Variants in LTBP1 observed in about 807,000 individuals in gnomAD.
LTBP1 encodes latent transforming growth factor beta binding protein 1, also known as latent-transforming growth factor beta-binding protein 1.
Under a neutral mutation model 207.6 loss-of-function variants are expected in LTBP1, and 129 were observed. That is an observed-to-expected ratio of 0.62 (90% CI 0.54 to 0.72). LTBP1 has a LOEUF of 0.72. Among genes scored for constraint, LTBP1 ranks in the 30% least tolerant of loss-of-function variants. The pLI is 0.00. For synonymous variants in LTBP1, 963 were observed against 833.7 expected, an observed-to-expected ratio of 1.16 and a Z score of -2.67; for missense variants, 2,281 against 2,217.2, an observed-to-expected ratio of 1.03 and a Z score of -0.58.
chr2:33,207,492 G>A (rs2089971673), intron 7 of LTBP1, among the ~76,000 whole-genome samples: 1 of 151,722 alleles, frequency 6.6e-6, no homozygotes, highest in Non-Finnish European at 1.5e-5. Context: ...ATAAAAGAAA[G>A]CTGAGTGGAC....
intron 13 of LTBP1, 31 bp downstream of exon 13, chr2:33,259,641 T>C: frequency 6.3e-7 from 1 of 1,590,298 alleles, no homozygotes; most frequent in Non-Finnish European, 8.5e-7. Flanking sequence ...AAGTCTTTTT[T>C]TTTCAACGCT....
At position 32,947,373 on chromosome 2, in the gene LTBP1, C is replaced by T. The variant is rs1676330559; in HGVS notation, c.49C>T (p.Leu17Phe). The change falls in exon 1 of 34, where the codon CTC becomes TTC. Residue 17 changes from leucine to phenylalanine, a missense_variant. This residue lies in a region of LTBP1 where 555 missense variants were observed against 491.0 expected (regional missense o/e 1.13). Coordinates refer to ENST00000404816, the MANE Select transcript of LTBP1 (RefSeq NM_206943.4). ...GGGGCTCCTGCTCTGGGCAGGGCTC[C>T]TCGCGTCCTCGGCGCACGGCCGGCT... ...RWGLLLWAGL[L>F]ASSAHGRLRR... The T allele has an allele frequency of 2.2e-6, 3 of 1,362,974 alleles. No homozygotes were observed. The highest frequency in any genetic ancestry group is 3.0e-5 in the African/African-American group (2 of 65,892). The allele number at this position is 1,362,974 out of a possible 1,614,324, so 84.4% of individuals were successfully genotyped here. A position where few individuals can be genotyped will look rare whatever the true frequency, so the allele number is the denominator to read the frequency against.
intron 3 of LTBP1, among the ~76,000 whole-genome samples, chr2:33,022,265 C>CTTTTTTTTTTTTTTTTTTTTGT (rs3047211): frequency 8.0e-6 from 1 of 125,236 alleles, no homozygotes; most frequent in East Asian, 2.4e-4. Flanking sequence ...CCTCAATCCT[C>CTTTTTTTTTTTTTTTTTTTTGT]TTTTTTTTTT....
intron 13 of LTBP1, among the ~76,000 whole-genome samples, chr2:33,260,574 A>G (rs1009882227): frequency 6.6e-6 from 1 of 152,208 alleles, no homozygotes; most frequent in African/African-American, 2.4e-5. Flanking sequence ...ATATGTCATA[A>G]CATAAGTGCT....
chr2:33,180,550 C>G (rs2086517399), intron 5 of LTBP1, among the ~76,000 whole-genome samples: 2 of 151,214 alleles, frequency 1.3e-5, no homozygotes, highest in Non-Finnish European at 2.9e-5. Context: ...CTCCCGCGTT[C>G]AAGTGATTCT....
intron 5 of LTBP1, among the ~76,000 whole-genome samples, chr2:33,149,454 A>G (rs538708386): frequency 3.9e-4 from 59 of 152,220 alleles, no homozygotes; most frequent in African/African-American, 1.4e-3. Context: ...CTGTAGATGA[A>G]ATCTCTAGCC....
At chr2:33,083,926 G>A (rs1486805574) in intron 3 of LTBP1, among the ~76,000 whole-genome samples, 1 of 152,186 alleles carries the variant, frequency 6.6e-6, no homozygotes, top group Non-Finnish European at 1.5e-5. Context: ...GACCTGGAAG[G>A]ACATTGGATA....
At chr2:33,175,775 C>G (rs1295375900) in intron 5 of LTBP1, among the ~76,000 whole-genome samples, 1 of 151,948 alleles carries the variant, frequency 6.6e-6, no homozygotes, top group Non-Finnish European at 1.5e-5. Flanking sequence ...CAGTGATAGA[C>G]TGGATTAAGA....
chr2:33,163,096 G>A (rs552895590), intron 5 of LTBP1, among the ~76,000 whole-genome samples: 18 of 152,074 alleles, frequency 1.2e-4, no homozygotes, highest in South Asian at 4.1e-4. Flanking sequence ...ATCCTCCCAC[G>A]TCAGCCTCCC....
intron 19 of LTBP1, among the ~76,000 whole-genome samples, chr2:33,280,426 T>C (rs2093536865): frequency 6.6e-6 from 1 of 152,006 alleles, no homozygotes; most frequent in Admixed American, 6.6e-5. Context: ...CCAAATAAGA[T>C]AGTAAGGTCT....
intron 9 of LTBP1, 35 bp from the exon 10 acceptor site, chr2:33,243,627 G>T: frequency 1.9e-6 from 3 of 1,611,006 alleles, no homozygotes; most frequent in South Asian, 1.1e-5. Flanking sequence ...AATGGGGCTT[G>T]ACTGCTCCTT....
At chr2:33,226,152 G>T (rs2091425420) in intron 9 of LTBP1, among the ~76,000 whole-genome samples, 1 of 152,120 alleles carries the variant, frequency 6.6e-6, no homozygotes, top group Non-Finnish European at 1.5e-5. Flanking sequence ...ATCAGTTGTT[G>T]AGAGAGGTGT....
At position 33,017,609 on chromosome 2, in the gene LTBP1, T is replaced by TTTTGC. The variant is rs202132731; in HGVS notation, c.566-3296_566-3295insCTTTG. ...AAATGTGATAGAAGGACATGAGTTG[T>TTTTGC]TTTGTTTTGTTTTGTTTTGTTTTTT... is the stretch of plus-strand genomic sequence containing the variant. On this transcript the variant is annotated intron_variant, in intron 2 of 33. Coordinates refer to ENST00000404816, the MANE Select transcript of LTBP1 (RefSeq NM_206943.4). Among the ~76,000 whole-genome samples the TTTTGC allele has an allele frequency of 8.1e-3, 1,226 of 151,862 alleles. 11 individuals are homozygous for TTTTGC. Among genetic ancestry groups the TTTTGC allele is most frequent in the African/African-American group, 0.026 (1,092 of 41,480 alleles).
chr2:32,992,688 T>C (rs1271830393), intron 2 of LTBP1, among the ~76,000 whole-genome samples: 1 of 152,016 alleles, frequency 6.6e-6, no homozygotes, highest in East Asian at 1.9e-4. Context: ...TTCCAGGACA[T>C]GTAAGGGAAG....
chr2:33,009,927 G>T (rs1291279724), intron 2 of LTBP1, among the ~76,000 whole-genome samples: 3 of 152,184 alleles, frequency 2.0e-5, no homozygotes, highest in African/African-American at 4.8e-5. Context: ...AGAGGACAAG[G>T]CCAGACATCT....
intron 2 of LTBP1, among the ~76,000 whole-genome samples, chr2:32,981,863 C>T (rs1033390645): frequency 3.9e-5 from 6 of 152,184 alleles, no homozygotes. Context: ...CCTTTGCCTC[C>T]CCAGTCATGT....
chr2:33,356,253 G>A (rs187985496), intron 26 of LTBP1, among the ~76,000 whole-genome samples: 1 of 152,320 alleles, frequency 6.6e-6, no homozygotes, highest in East Asian at 1.9e-4. Flanking sequence ...GATGAATCAG[G>A]GGTCAGCATC....
intron 5 of LTBP1, among the ~76,000 whole-genome samples, chr2:33,157,190 G>A (rs1285957908): frequency 6.6e-6 from 1 of 152,190 alleles, no homozygotes; most frequent in Non-Finnish European, 1.5e-5. Context: ...CATCAAAGGT[G>A]TTTAGAACCT....
At chr2:33,327,408 C>A (rs1288958825) in intron 24 of LTBP1, among the ~76,000 whole-genome samples, 1 of 151,888 alleles carries the variant, frequency 6.6e-6, no homozygotes, top group Non-Finnish European at 1.5e-5. Flanking sequence ...CATAATAATT[C>A]TCCATCACCT....
Sources: gnomAD v4.1 joint callset for allele counts (sites outside exome capture counted in the v4.1 genomes callset) on GRCh38, gnomAD v4.1.1 for gene constraint, gnomAD v4.1.1 regional missense constraint, MANE v1.5 for transcripts, NCBI Gene and HGNC (gene_info 2026-07-23, HGNC 2026-07-21) for gene names.